Variants in OR51B5 observed in about 807,000 individuals in gnomAD.
The protein encoded by OR51B5 is olfactory receptor 51B5.
For synonymous variants in OR51B5, 186 were observed against 144.8 expected (o/e 1.28, Z -2.04); for missense variants, 456 against 374.6 (o/e 1.22, Z -1.79).
exon 1 of OR51B5, chr11:5,343,273 C>G: frequency 6.2e-7 from 1 of 1,612,752 alleles, no homozygotes; most frequent in Non-Finnish European, 8.5e-7. Context: ...TGTGATCCAG[C>G]CAGAGGACTC....
At position 5,474,338 on chromosome 11, in the gene OR51B5, C is replaced by T. The variant is rs550869205; in HGVS notation, n.84+31231G>A. Among the ~76,000 whole-genome samples the T allele has an allele frequency of 6.6e-5, 10 of 152,158 alleles. No homozygotes were observed. In the South Asian group the frequency reaches 1.9e-3, roughly 28 times the overall value. ...ACAGATGTACTCCCCCCAACACACA[C>T]ACATAAAATCACCACTTACAGGAGG... On this transcript the variant is annotated intron_variant and non_coding_transcript_variant, in intron 1 of 4. Coordinates refer to the OR51B5 transcript ENST00000415970.
chr11:5,350,035 T>C (rs1402151749), intron 1 of OR51B5, among the ~76,000 whole-genome samples: 1 of 152,124 alleles, frequency 6.6e-6, no homozygotes, highest in South Asian at 2.1e-4. Flanking sequence ...AGGAAATCAT[T>C]TGACACACCT....
chr11:5,405,455 A>G (rs1479998708), intron 1 of OR51B5, among the ~76,000 whole-genome samples: 3 of 152,186 alleles, frequency 2.0e-5, no homozygotes, highest in African/African-American at 7.2e-5. Flanking sequence ...TGAGTCAGGT[A>G]TACTTCTAGA....
At chr11:5,409,204 GC>G (rs1850106568) in intron 1 of OR51B5, among the ~76,000 whole-genome samples, 2 of 152,104 alleles carry the variant, frequency 1.3e-5, no homozygotes, top group African/African-American at 4.8e-5. Flanking sequence ...ACAACAGGTT[GC>G]CCTCTCAGAT....
At chr11:5,419,147 A>C (rs1163741183) in intron 1 of OR51B5, among the ~76,000 whole-genome samples, 1 of 152,156 alleles carries the variant, frequency 6.6e-6, no homozygotes, top group Non-Finnish European at 1.5e-5. Flanking sequence ...TATCTTCTCT[A>C]TGTTTGCCAT....
intron 1 of OR51B5, among the ~76,000 whole-genome samples, chr11:5,475,871 T>C (rs533062170): frequency 5.3e-5 from 8 of 151,796 alleles, no homozygotes; most frequent in African/African-American, 1.2e-4. Context: ...GTAGGGTACA[T>C]GTGACTAGCA....
intron 1 of OR51B5, among the ~76,000 whole-genome samples, chr11:5,401,808 T>TC (rs1849970943): frequency 8.9e-5 from 2 of 22,534 alleles, no homozygotes; most frequent in Non-Finnish European, 6.9e-4. Flanking sequence ...GCATAATCTT[T>TC]CTTTTCTTTC....
chr11:5,414,298 G>C (rs1273495798), intron 1 of OR51B5, among the ~76,000 whole-genome samples: 1 of 149,254 alleles, frequency 6.7e-6, no homozygotes, highest in Non-Finnish European at 1.5e-5. Context: ...AACATGGAAA[G>C]GAACAACCGG....
chr11:5,402,184 G>C (rs930340377), intron 1 of OR51B5, among the ~76,000 whole-genome samples: 13 of 151,748 alleles, frequency 8.6e-5, no homozygotes, highest in African/African-American at 3.1e-4. Flanking sequence ...GCTAATTTTT[G>C]TATTTTTTTT....
intron 1 of OR51B5, among the ~76,000 whole-genome samples, chr11:5,361,332 A>G (rs1159272384): frequency 6.6e-6 from 1 of 152,150 alleles, no homozygotes; most frequent in African/African-American, 2.4e-5. Context: ...GAGAATAAAG[A>G]AGGAGGGAGG....
At chr11:5,386,513 G>A (rs1849698229) in intron 1 of OR51B5, among the ~76,000 whole-genome samples, 1 of 152,150 alleles carries the variant, frequency 6.6e-6, no homozygotes. Context: ...AATCATGTAT[G>A]GCCTCAATAA....
rs1482592657 is a variant in OR51B5 at position 5,405,175 on chromosome 11, T to C, written n.85-58265A>G. On this transcript the variant is annotated intron_variant and non_coding_transcript_variant, in intron 1 of 4. Transcript: ENST00000415970. ...AAATTAAGATTTTTAACATAAAATA[T>C]ATACTAAGAACTTTATTATTTTCAT... is the stretch of plus-strand genomic sequence containing the variant. Among the ~76,000 whole-genome samples, 4 of 152,334 alleles carry C rather than the reference T, an allele frequency of 2.6e-5. No homozygotes were observed. In the East Asian group the frequency reaches 5.8e-4, roughly 22 times the overall value.
chr11:5,468,623 A>G, intron 1 of OR51B5: 1 of 455,558 alleles, frequency 2.2e-6, no homozygotes, highest in Non-Finnish European at 4.4e-6. Context: ...ATGCCTCCCA[A>G]ATCGATGAAC....
rs191252977 is a variant in OR51B5 at position 5,372,424 on chromosome 11, A to C, written n.85-25514T>G. Among the ~76,000 whole-genome samples, 4 of 152,256 alleles carry C rather than the reference A, an allele frequency of 2.6e-5. No homozygotes were observed. In the East Asian group the frequency reaches 7.7e-4, roughly 29 times the overall value. The stretch of plus-strand genomic sequence containing the variant: ...GTTCTCCTTTCTCCACAGCCTCTCC[A>C]ACCCCTATCTCTTGTCTTTTTTGAT... On this transcript the variant is annotated intron_variant and non_coding_transcript_variant, in intron 1 of 4. Coordinates refer to the OR51B5 transcript ENST00000415970.
chr11:5,489,221 G>A lies in OR51B5; in HGVS notation n.84+16348C>T, dbSNP rs573874618. 1.4e-5 allele frequency: 23 copies of A among 1,613,928 alleles called. No individual in the cohort carries two copies. The South Asian group carries it at 1.5e-4, about 11-fold the overall frequency. ...TTCTTGCTGAGGCGACTCCCCTACT[G>A]TGGTCACCGTGTCATGACACACACA... On this transcript the variant is annotated intron_variant and non_coding_transcript_variant, in intron 1 of 4. Transcript: ENST00000415970.
intron 1 of OR51B5, among the ~76,000 whole-genome samples, chr11:5,483,013 A>C (rs1399985906): frequency 7.4e-6 from 1 of 135,738 alleles, no homozygotes; most frequent in Non-Finnish European, 1.6e-5. Context: ...CTGGGTATAT[A>C]CCCAAAGGAC....
intron 1 of OR51B5, among the ~76,000 whole-genome samples, chr11:5,399,833 A>T (rs1849940916): frequency 6.6e-6 from 1 of 152,088 alleles, no homozygotes; most frequent in Non-Finnish European, 1.5e-5. Context: ...CAGGCAGAGA[A>T]GGCAGAGGAG....
intron 1 of OR51B5, among the ~76,000 whole-genome samples, chr11:5,364,320 G>A (rs1213085715): frequency 2.0e-5 from 3 of 152,128 alleles, no homozygotes; most frequent in Non-Finnish European, 4.4e-5. Context: ...CAAAACCATT[G>A]GAATTTGGGG....
At chr11:5,348,315 CCTGA>C (rs1223815636), upstream of OR51B5, among the ~76,000 whole-genome samples, 1 of 152,016 alleles carries the variant, frequency 6.6e-6, no homozygotes, top group Non-Finnish European at 1.5e-5. Flanking sequence ...TTTCTCTCCA[CCTGA>C]CTGATTCTTT....
Sources: allele counts gnomAD v4.1 joint callset (sites outside exome capture counted in the v4.1 genomes callset), GRCh38; gene constraint gnomAD v4.1.1; transcripts MANE v1.5; gene names NCBI Gene and HGNC (gene_info 2026-07-23, HGNC 2026-07-21).